LRRC4C: variants seen among roughly 807,000 people sequenced by gnomAD.
The protein encoded by LRRC4C is leucine-rich repeat-containing protein 4C.
A neutral mutation model predicts 33.6 loss-of-function variants in LRRC4C; 5 were observed. The observed-to-expected ratio is 0.15, with a 90% CI of 0.08 to 0.31. The LOEUF (loss-of-function observed/expected upper bound fraction) is 0.31. Ranked by LOEUF, LRRC4C falls within the 10% of genes least tolerant of loss-of-function variation. The pLI, the probability that LRRC4C is intolerant of heterozygous loss-of-function variation, is 1.00. For synonymous variants in LRRC4C, 329 were observed against 302.0 expected (o/e 1.09, Z -0.93); for missense variants, 560 against 796.7 (o/e 0.70, Z 3.58).
At position 40,763,751 on chromosome 11, in the gene LRRC4C, G is replaced by A. The variant is rs181006421; in HGVS notation, c.-406-115473C>T. On this transcript the variant is annotated intron_variant, in intron 2 of 6. Transcript: ENST00000528697. ...GATAGAATTGAGCCAGAGCTCAAGGGGGGAGCATTTAGACCATCCCTAGCC... is the reference window on the plus strand; with the variant it reads ...GATAGAATTGAGCCAGAGCTCAAGGAGGGAGCATTTAGACCATCCCTAGCC... Among the ~76,000 whole-genome samples the A allele has an allele frequency of 2.0e-3, 302 of 152,244 alleles. 2 individuals are homozygous for A. Among genetic ancestry groups the A allele is most frequent in the Middle Eastern group, 0.014 (4 of 292 alleles).
At chr11:40,404,932 T>C (rs1224625304) in intron 3 of LRRC4C, among the ~76,000 whole-genome samples, 2 of 151,926 alleles carry the variant, frequency 1.3e-5, no homozygotes, top group Non-Finnish European at 2.9e-5. Context: ...GTTTCCTATT[T>C]CCCCACCACC....
intron 1 of LRRC4C, among the ~76,000 whole-genome samples, chr11:41,358,666 A>G (rs1027035197): frequency 1.3e-5 from 2 of 152,166 alleles, no homozygotes; most frequent in African/African-American, 4.8e-5. Flanking sequence ...AATGCAAATT[A>G]AAACAACGAT....
At chr11:40,636,263 G>A (rs1040256074) in intron 3 of LRRC4C, among the ~76,000 whole-genome samples, 76 of 152,104 alleles carry the variant, frequency 5.0e-4, no homozygotes, top group African/African-American at 1.7e-3. Flanking sequence ...TTGTGGAAAC[G>A]GAGTACATGG....
intron 2 of LRRC4C, among the ~76,000 whole-genome samples, chr11:40,861,198 G>C (rs976601691): frequency 6.6e-6 from 1 of 152,134 alleles, no homozygotes; most frequent in African/African-American, 2.4e-5. Context: ...AGTGAAGATA[G>C]AAAAGGAAAT....
chr11:40,275,020 TG>T (rs1942998741), intron 4 of LRRC4C, among the ~76,000 whole-genome samples: 1 of 152,168 alleles, frequency 6.6e-6, no homozygotes, highest in Admixed American at 6.6e-5. Flanking sequence ...CACACACTTG[TG>T]CAATTATATC....
At chr11:41,253,937 T>A (rs1316747082) in intron 1 of LRRC4C, among the ~76,000 whole-genome samples, 1 of 152,002 alleles carries the variant, frequency 6.6e-6, no homozygotes, top group Non-Finnish European at 1.5e-5. Flanking sequence ...TCTATGGAAG[T>A]TTCTAGAAAT....
At chr11:40,991,661 G>A (rs148721619) in intron 1 of LRRC4C, among the ~76,000 whole-genome samples, 3,354 of 152,256 alleles carry the variant, frequency 0.022, 109 homozygotes, top group African/African-American at 0.076. Flanking sequence ...GGGGGTGATG[G>A]GAGACAGTGA....
chr11:40,190,226 C>G (rs895146123), intron 5 of LRRC4C, among the ~76,000 whole-genome samples: 2 of 152,124 alleles, frequency 1.3e-5, no homozygotes, highest in Non-Finnish European at 2.9e-5. Context: ...CTGAACCAAG[C>G]CAGGCCTTCT....
At chr11:40,159,775 TC>T in intron 5 of LRRC4C, among the ~76,000 whole-genome samples, 1 of 152,308 alleles carries the variant, frequency 6.6e-6, no homozygotes, top group African/African-American at 2.4e-5. Flanking sequence ...TTACCTCCTT[TC>T]CCTGAAATTA....
intron 2 of LRRC4C, among the ~76,000 whole-genome samples, chr11:40,848,667 G>C (rs921769475): frequency 2.0e-5 from 3 of 152,134 alleles, no homozygotes; most frequent in African/African-American, 7.2e-5. Flanking sequence ...GGTCTGGTTG[G>C]TGCAGAGCTG....
At chr11:40,759,959 CAACAAAA>C (rs1949125386) in intron 2 of LRRC4C, among the ~76,000 whole-genome samples, 1 of 118,242 alleles carries the variant, frequency 8.5e-6, no homozygotes, top group Non-Finnish European at 1.7e-5. Flanking sequence ...CAAACAACAA[CAACAAAA>C]AAAAAAAAAA....
chr11:41,147,077 A>G (rs1056143646), intron 1 of LRRC4C, among the ~76,000 whole-genome samples: 1 of 152,196 alleles, frequency 6.6e-6, no homozygotes, highest in Non-Finnish European at 1.5e-5. Flanking sequence ...CATTTTTAGA[A>G]AGTAGTGAGT....
intron 5 of LRRC4C, among the ~76,000 whole-genome samples, chr11:40,240,880 T>C (rs1034390270): frequency 1.3e-5 from 2 of 152,136 alleles, no homozygotes; most frequent in African/African-American, 2.4e-5. Flanking sequence ...ATATAGGAAA[T>C]TGTCAACCAT....
intron 1 of LRRC4C, among the ~76,000 whole-genome samples, chr11:41,095,069 T>C (rs1477925923): frequency 6.6e-6 from 1 of 152,194 alleles, no homozygotes; most frequent in Non-Finnish European, 1.5e-5. Flanking sequence ...TATCTGAGAC[T>C]GGGTAATTTA....
At chr11:40,582,832 T>A (rs1371199541) in intron 3 of LRRC4C, among the ~76,000 whole-genome samples, 1 of 152,016 alleles carries the variant, frequency 6.6e-6, no homozygotes, top group East Asian at 1.9e-4. Flanking sequence ...AATTTTTTTT[T>A]AAATAGATGC....
At position 40,191,275 on chromosome 11, in the gene LRRC4C, A is replaced by G. The variant is rs1861820744; in HGVS notation, c.-96+50244T>C. Among the ~76,000 whole-genome samples, 3 of 152,202 alleles carry G rather than the reference A, an allele frequency of 2.0e-5. No individual in the cohort carries two copies. The South Asian group carries it at 6.2e-4, about 31-fold the overall frequency. On this transcript the variant is annotated intron_variant, in intron 5 of 6. Coordinates refer to ENST00000528697, the MANE Select transcript of LRRC4C (RefSeq NM_001258419.2). ...AAAAGACCCAGGTTTGAATGACTTC[A>G]CCAAGGAATTACTTTCCTGTTTCAT...
chr11:40,375,336 C>T (rs540125450), intron 3 of LRRC4C, among the ~76,000 whole-genome samples: 5 of 152,162 alleles, frequency 3.3e-5, no homozygotes, highest in African/African-American at 1.2e-4. Context: ...TTTTTGAGAC[C>T]TAACCAAGAT....
chr11:40,121,577 A>T (rs1259455162), intron 6 of LRRC4C, among the ~76,000 whole-genome samples: 1 of 152,204 alleles, frequency 6.6e-6, no homozygotes, highest in Non-Finnish European at 1.5e-5. Context: ...TTACATATGC[A>T]TTTGTGTGAG....
intron 1 of LRRC4C, among the ~76,000 whole-genome samples, chr11:41,429,004 C>A (rs1410649222): frequency 6.6e-6 from 1 of 152,072 alleles, no homozygotes; most frequent in Non-Finnish European, 1.5e-5. Flanking sequence ...TGTCCCCAGT[C>A]AAATCTCATC....
Sources: gnomAD v4.1 joint callset for allele counts (sites outside exome capture counted in the v4.1 genomes callset) on GRCh38, gnomAD v4.1.1 for gene constraint, MANE v1.5 for transcripts, NCBI Gene and HGNC (gene_info 2026-07-23, HGNC 2026-07-21) for gene names.